FBN1: variants seen among roughly 807,000 people sequenced by gnomAD.
FBN1 encodes the protein fibrillin-1.
In FBN1, 29 loss-of-function variants were observed where a neutral mutation model predicts 365.1. That is an observed-to-expected ratio of 0.08 (90% CI 0.06 to 0.11). The LOEUF is 0.11. FBN1 is among the 10% of genes least tolerant of loss of function. The pLI is 1.00. For synonymous variants in FBN1, 1,210 were observed against 1,270.5 expected, an observed-to-expected ratio of 0.95 and a Z score of 1.01; for missense variants, 2,476 against 3,703.2, an observed-to-expected ratio of 0.67 and a Z score of 8.60.
intron 45 of FBN1, among the ~76,000 whole-genome samples, chr15:48,449,191 A>C (rs191325892): frequency 9.0e-4 from 137 of 152,306 alleles, no homozygotes; most frequent in Non-Finnish European, 1.0e-3. Context: ...TTTCTGTTTG[A>C]TTATCGGCCT....
rs77028567 is a variant in FBN1 at position 48,530,882 on chromosome 15, C to T, written c.862+3198G>A. ...TTATAATTGCTAAAGGCTGGGCTGG[C>T]GATAATCTAAATCCCAAAATATTAG... is the stretch of plus-strand genomic sequence containing the variant. On this transcript the variant is annotated intron_variant, in intron 8 of 65. Transcript: ENST00000316623. Among the ~76,000 whole-genome samples, 698 of 152,190 alleles carry T rather than the reference C, an allele frequency of 4.6e-3. 4 individuals carry two copies. Among genetic ancestry groups the T allele is most frequent in the African/African-American group, 0.016 (670 of 41,512 alleles).
At chr15:48,502,695 AG>A (rs1220993263) in intron 17 of FBN1, among the ~76,000 whole-genome samples, 1 of 152,256 alleles carries the variant, frequency 6.6e-6, no homozygotes. Context: ...ACAACTGGAC[AG>A]GACCTTTTGG....
chr15:48,472,458 TAAAA>T (rs67860867), intron 35 of FBN1, 89 bp downstream of exon 35: 3,226 of 1,174,508 alleles, frequency 2.7e-3, no homozygotes, highest in East Asian at 3.2e-3. Context: ...CACCTCAGTT[TAAAA>T]AAAAAAAAAA....
intron 7 of FBN1, among the ~76,000 whole-genome samples, chr15:48,535,439 T>G (rs2044005802): frequency 6.6e-6 from 1 of 152,212 alleles, no homozygotes; most frequent in Admixed American, 6.5e-5. Flanking sequence ...AGGAGCAAAA[T>G]TAATCATTTC....
intron 27 of FBN1, among the ~76,000 whole-genome samples, chr15:48,487,865 G>A (rs547901069): frequency 1.1e-4 from 16 of 152,150 alleles, no homozygotes; most frequent in South Asian, 1.0e-3. Flanking sequence ...CCTCTCTTCC[G>A]CCTGGGTATC....
rs1464193913 is a variant in FBN1, at chr15:48,437,808, G to A, written c.6273C>T (p.Gly2091=). ...GGCAGAGCTCGCAGGGGTCTCCCCA[G>A]CCTTCTCCCTTCAAGGCACAGCAGC... is the stretch of plus-strand genomic sequence containing the variant. The part of the protein sequence containing the change: ...QECCCALKGE[G]WGDPCELCPT... The change falls in exon 51 of 66, where the codon GGC becomes GGT. Residue 2091 remains glycine (G), a synonymous_variant. Coordinates refer to ENST00000316623, the MANE Select transcript of FBN1 (RefSeq NM_000138.5). The A allele has an allele frequency of 6.2e-7, 1 of 1,613,814 alleles. No individual in the cohort carries two copies. The highest frequency in any genetic ancestry group is 2.2e-5 in the East Asian group (1 of 44,862).
intron 6 of FBN1, among the ~76,000 whole-genome samples, chr15:48,552,389 C>T (rs1445466298): frequency 6.6e-6 from 1 of 151,876 alleles, no homozygotes; most frequent in Non-Finnish European, 1.5e-5. Context: ...CCTCCCACCT[C>T]AGCCTCCCAA....
chr15:48,458,734 G>T (rs2043260168), intron 43 of FBN1, among the ~76,000 whole-genome samples: 1 of 152,074 alleles, frequency 6.6e-6, no homozygotes, highest in South Asian at 2.1e-4. Context: ...TCAACTTAGT[G>T]AAGTTTATAT....
intron 47 of FBN1, among the ~76,000 whole-genome samples, chr15:48,446,080 C>A (rs960218012): frequency 2.0e-5 from 3 of 151,956 alleles, no homozygotes; most frequent in Non-Finnish European, 2.9e-5. Context: ...AATTTTTTGG[C>A]TTAATCTAAT....
chr15:48,459,233 TG>T (rs1217333004), intron 43 of FBN1, among the ~76,000 whole-genome samples: 23 of 152,226 alleles, frequency 1.5e-4, no homozygotes, highest in South Asian at 1.2e-3. Flanking sequence ...CCACTTATCT[TG>T]TGATCACAGA....
chr15:48,532,682 A>G (rs531422037), intron 8 of FBN1, among the ~76,000 whole-genome samples: 209 of 152,274 alleles, frequency 1.4e-3, no homozygotes, highest in African/African-American at 4.6e-3. Context: ...CCAAGACACC[A>G]TTCCTTAATA....
At chr15:48,535,296 T>C (rs1169097004) in intron 7 of FBN1, among the ~76,000 whole-genome samples, 1 of 152,208 alleles carries the variant, frequency 6.6e-6, no homozygotes, top group East Asian at 1.9e-4. Flanking sequence ...ATTTAATAAA[T>C]TGAATGTCTT....
At chr15:48,456,839 C>CGTGTGTGTGTGTGTGT in intron 43 of FBN1, 77 bp from the exon 44 acceptor site, 1 of 999,584 alleles carries the variant, frequency 1.0e-6, no homozygotes, top group African/African-American at 3.5e-5. Context: ...ATGGAAAGTG[C>CGTGTGTGTGTGTGTGT]GTGCGTGTGT....
rs780479561 is a variant in FBN1 at position 48,470,689 on chromosome 15, G to C, written c.4404C>G (p.Phe1468Leu). 2.5e-6 allele frequency: 4 copies of C among 1,614,024 alleles called. No individual in the cohort carries two copies. Among genetic ancestry groups the C allele is most frequent in the Admixed American group, 3.3e-5 (2 of 60,004 alleles). The part of the protein sequence containing the change: ...FGTCHNLPGL[F>L]RCECEIGYEL... ...CGTAGCCTATCTCACACTCACAGCGGAACAGGCCAGGGAGGTTGTGGCAAG... is the reference window on the plus strand; with the variant it reads ...CGTAGCCTATCTCACACTCACAGCGCAACAGGCCAGGGAGGTTGTGGCAAG... The change falls in exon 36 of 66, where the codon TTC (phenylalanine) becomes TTG (leucine). Residue 1468 changes from phenylalanine (F) to leucine (L), a missense_variant. By Grantham distance (22) the Phe-to-Leu change is conservative (BLOSUM62 0). Around this residue, in one of 5 missense-constraint regions of FBN1, gnomAD observed 1,780 missense variants for 2,840.8 expected, o/e 0.63. Transcript: ENST00000316623.
chr15:48,440,740 T>C (rs531540817), intron 50 of FBN1, among the ~76,000 whole-genome samples: 1 of 152,278 alleles, frequency 6.6e-6, no homozygotes, highest in South Asian at 2.1e-4. Context: ...CAGATATTAT[T>C]GTTGTTTAAA....
chr15:48,511,914 T>C (rs1028399402), intron 13 of FBN1, among the ~76,000 whole-genome samples: 3 of 152,210 alleles, frequency 2.0e-5, no homozygotes, highest in Non-Finnish European at 4.4e-5. Context: ...CTCTGGACAT[T>C]GATTTCATTT....
rs1321568765 is a variant in FBN1 at position 48,420,727 on chromosome 15, G to C, written c.7779C>G (p.Pro2593=). 2.5e-6 allele frequency: 4 copies of C among 1,614,080 alleles called. No homozygotes were observed. The Admixed American group carries it at 6.7e-5, about 27-fold the overall frequency. Residue 2593 remains proline, a synonymous_variant, in exon 63 of 66, where the codon CCC becomes CCG. Transcript: ENST00000316623. ...ACTGGTAGTGCTGGAGGTAGCCCTG[G>C]GGGCAGCTGCACCTGTAGCCCCCAA... ...NIIGGYRCSC[P]QGYLQHYQWN...
At chr15:48,534,962 G>A (rs1406720933) in intron 7 of FBN1, among the ~76,000 whole-genome samples, 1 of 152,184 alleles carries the variant, frequency 6.6e-6, no homozygotes, top group Non-Finnish European at 1.5e-5. Context: ...TGGGGAGTTC[G>A]ACATGACTTC....
intron 30 of FBN1, among the ~76,000 whole-genome samples, chr15:48,484,844 C>T (rs1490467364): frequency 1.3e-5 from 2 of 152,224 alleles, no homozygotes; most frequent in African/African-American, 4.8e-5. Context: ...GCTCACAGCT[C>T]TCGCAGCCAG....
Sources: gnomAD v4.1 joint callset for allele counts (sites outside exome capture counted in the v4.1 genomes callset) on GRCh38, gnomAD v4.1.1 for gene constraint, gnomAD v4.1.1 regional missense constraint, MANE v1.5 for transcripts, NCBI Gene and HGNC (gene_info 2026-07-23, HGNC 2026-07-21) for gene names.